Variants in RNF19B observed in about 807,000 individuals in gnomAD.
The protein encoded by RNF19B is ring finger protein 19B.
RNF19B carries 23 observed loss-of-function variants against 65.5 expected under a neutral mutation model. The observed-to-expected ratio is 0.35, with a 90% CI of 0.25 to 0.50. RNF19B has a LOEUF of 0.50. Ranked by LOEUF, RNF19B falls within the 20% of genes least tolerant of loss-of-function variation. RNF19B has a pLI of 0.98. For synonymous variants in RNF19B, 372 were observed against 379.6 expected, an observed-to-expected ratio of 0.98 and a Z score of 0.23; for missense variants, 794 against 980.0, an observed-to-expected ratio of 0.81 and a Z score of 2.53.
intron 1 of RNF19B, among the ~76,000 whole-genome samples, chr1:32,959,700 T>C (rs934359640): frequency 2.0e-5 from 3 of 152,128 alleles, no homozygotes; most frequent in African/African-American, 7.2e-5. Flanking sequence ...ATTTGACAGC[T>C]TGTTTTAAGA....
At chr1:32,932,729 A>T (rs1253086847), downstream of RNF19B, among the ~76,000 whole-genome samples, 1 of 152,120 alleles carries the variant, frequency 6.6e-6, no homozygotes, top group African/African-American at 2.4e-5. Flanking sequence ...AAGAAATCTA[A>T]AATTTCCTTG....
chr1:32,940,961 T>C (rs1642216786), intron 7 of RNF19B, among the ~76,000 whole-genome samples: 1 of 152,240 alleles, frequency 6.6e-6, no homozygotes, highest in Non-Finnish European at 1.5e-5. Context: ...CAATGGTTCA[T>C]GCCTATAATC....
the RNF19B span, among the ~76,000 whole-genome samples, chr1:32,931,111 G>C: frequency 6.6e-6 from 1 of 151,858 alleles, no homozygotes; most frequent in Non-Finnish European, 1.5e-5. Context: ...ATTCTTAGCT[G>C]CTAAAGCCAA....
downstream of RNF19B, among the ~76,000 whole-genome samples, chr1:32,934,974 GGTGT>G: frequency 7.1e-6 from 1 of 140,804 alleles, no homozygotes; most frequent in East Asian, 2.2e-4. Context: ...CTGGACTACA[GGTGT>G]GCGCCACCAC....
At chr1:32,935,046 G>C (rs564385922), downstream of RNF19B, among the ~76,000 whole-genome samples, 7 of 151,910 alleles carry the variant, frequency 4.6e-5, no homozygotes, top group African/African-American at 1.5e-4. Flanking sequence ...TGGCCAGGAT[G>C]GTCTTGATCT....
chr1:32,929,740 C>T, the RNF19B span, among the ~76,000 whole-genome samples: 18 of 152,196 alleles, frequency 1.2e-4, no homozygotes, highest in African/African-American at 4.3e-4. Context: ...TCAAAACAGG[C>T]CTCTATTTGC....
chr1:32,933,888 T>C (rs138886263), downstream of RNF19B, among the ~76,000 whole-genome samples: 30 of 152,242 alleles, frequency 2.0e-4, no homozygotes, highest in African/African-American at 6.7e-4. Flanking sequence ...CTCACAGCTG[T>C]AGTAAGTGGA....
intron 1 of RNF19B, among the ~76,000 whole-genome samples, chr1:32,955,813 G>T (rs1329757456): frequency 6.6e-6 from 1 of 151,592 alleles, no homozygotes; most frequent in African/African-American, 2.4e-5. Context: ...TGTCCACTTT[G>T]TTCCTTCTCT....
Position 32,964,028 on chromosome 1 carries a change from C to A in RNF19B, c.635+23G>T. 1 of 1,417,662 alleles carries A rather than the reference C, an allele frequency of 7.1e-7. No homozygotes were observed. The highest frequency in any genetic ancestry group is 9.2e-7 in the Non-Finnish European group (1 of 1,091,544). The allele number at this position is 1,417,662 out of a possible 1,614,324, so 87.8% of individuals were successfully genotyped here. A position where few individuals can be genotyped will look rare whatever the true frequency, so the allele number is the denominator to read the frequency against. On this transcript the variant is annotated intron_variant, in intron 1 of 8. Transcript: ENST00000235150. The surrounding 1 kb of genome is among the most constrained non-coding windows in gnomAD (Gnocchi z 6.5). Reference sequence around the variant, plus strand: ...CCCCTCGGCTGCAGCCCGCCGCCACCCGCGCCACGCCCCCGCGCTCACCCG... The same window carrying A: ...CCCCTCGGCTGCAGCCCGCCGCCACACGCGCCACGCCCCCGCGCTCACCCG...
chr1:32,940,231 G>A (rs146413113), intron 7 of RNF19B, among the ~76,000 whole-genome samples: 1 of 152,216 alleles, frequency 6.6e-6, no homozygotes, highest in South Asian at 2.1e-4. Flanking sequence ...TCAGATGCTG[G>A]TTCATGCAAC....
chr1:32,936,842 A>G lies in RNF19B; in HGVS notation c.2160T>C (p.Thr720=), dbSNP rs775263133. ...CTTCTCCACCTTCTGGCTTCAAGACAGTTTGTCCCTCGGCTAGGGCAGAGA... is the reference window on the plus strand; with the variant it reads ...CTTCTCCACCTTCTGGCTTCAAGACGGTTTGTCCCTCGGCTAGGGCAGAGA... ...MNLSALAEGQ[T]VLKPEGGEAR... is the part of the protein sequence containing the mutation. Residue 720 remains threonine, a synonymous_variant, in exon 9 of 9, where the codon ACT becomes ACC. Coordinates refer to ENST00000235150, the MANE Select transcript of RNF19B (RefSeq NM_001300826.2). The G allele has an allele frequency of 2.5e-6, 4 of 1,589,174 alleles. No homozygotes were observed. Among genetic ancestry groups the G allele is most frequent in the South Asian group, 1.1e-5 (1 of 87,826 alleles).
rs913884521 is a variant in RNF19B at position 32,936,712 on chromosome 1, T to C, written c.*94A>G. 2 of 1,167,550 alleles carry C rather than the reference T, an allele frequency of 1.7e-6. No individual in the cohort carries two copies. The highest frequency in any genetic ancestry group is 1.1e-6 in the Non-Finnish European group (1 of 880,012). 72.3% of individuals were successfully genotyped at this position (1,167,550 alleles called of 1,614,324 possible). A position where few individuals can be genotyped will look rare whatever the true frequency, so the allele number is the denominator to read the frequency against. On this transcript the variant is annotated 3_prime_UTR_variant, in exon 9 of 9. Transcript: ENST00000235150. ...TGACCAGAGAATCTGTGAAATAAAA[T>C]ACATAAATCTCTACCCCTTGGAAAA...
intron 1 of RNF19B, among the ~76,000 whole-genome samples, chr1:32,956,991 A>G (rs1642654192): frequency 6.6e-6 from 1 of 152,124 alleles, no homozygotes; most frequent in Admixed American, 6.6e-5. Context: ...AGACAACTCC[A>G]AGAGCCTCCT....
At chr1:32,938,198 TA>T (rs1458444329) in intron 8 of RNF19B, 198 bp downstream of exon 8, 1 of 338,564 alleles carries the variant, frequency 3.0e-6, no homozygotes, top group Non-Finnish European at 5.3e-6. Flanking sequence ...AAGAAATCTC[TA>T]AAAATCAAGC....
intron 5 of RNF19B, among the ~76,000 whole-genome samples, chr1:32,944,906 T>G (rs1486276391): frequency 6.6e-6 from 1 of 152,078 alleles, no homozygotes; most frequent in African/African-American, 2.4e-5. Flanking sequence ...GCCAGGATGG[T>G]CTCGATCTCC....
At chr1:32,937,430 G>T in intron 8 of RNF19B, 171 bp from the exon 9 acceptor site, 1 of 1,050,500 alleles carries the variant, frequency 9.5e-7, no homozygotes, top group South Asian at 1.5e-5. Context: ...ATGAGATGGA[G>T]GCTGGACGTG....
Position 32,936,533 on chromosome 1 carries a change from CTT to C in RNF19B, c.*271_*272del, listed in dbSNP as rs1642101567. On this transcript the variant is annotated 3_prime_UTR_variant, in exon 9 of 9. Transcript: ENST00000235150. The stretch of plus-strand genomic sequence containing the variant: ...ATATACACACATACATATGTACACT[CTT>C]TGACACACCTCATGGATTGCTGCCA... 4 of 370,278 alleles carry C rather than the reference CTT, an allele frequency of 1.1e-5. No individual in the cohort carries two copies. The Admixed American group carries it at 1.7e-4, about 16-fold the overall frequency. 22.9% of individuals were successfully genotyped at this position (370,278 alleles called of 1,614,324 possible). A position where few individuals can be genotyped will look rare whatever the true frequency, so the allele number is the denominator to read the frequency against.
chr1:32,964,775 G>T lies in RNF19B; in HGVS notation c.-90C>A. 8.4e-7 allele frequency: 1 copy of T among 1,195,934 alleles called. No individual in the cohort carries two copies. Among genetic ancestry groups the T allele is most frequent in the Non-Finnish European group, 1.1e-6 (1 of 938,814 alleles). 74.1% of individuals were successfully genotyped at this position (1,195,934 alleles called of 1,614,324 possible). A position where few individuals can be genotyped will look rare whatever the true frequency, so the allele number is the denominator to read the frequency against. On this transcript the variant is annotated 5_prime_UTR_variant, in exon 1 of 9. Coordinates refer to ENST00000235150, the MANE Select transcript of RNF19B (RefSeq NM_001300826.2). The surrounding 1 kb of genome is among the most constrained non-coding windows in gnomAD (Gnocchi z 6.5). ...CAGCCAGCGCCCGGCCGCCGCCGAC[G>T]CCGCCACCACCGCCTCAACCGCCCT...
At chr1:32,959,013 A>G (rs1158948000) in intron 1 of RNF19B, among the ~76,000 whole-genome samples, 1 of 152,136 alleles carries the variant, frequency 6.6e-6, no homozygotes, top group Non-Finnish European at 1.5e-5. Context: ...TCAAGAGAAG[A>G]GGTTCAGGGA....
Sources: allele counts gnomAD v4.1 joint callset (sites outside exome capture counted in the v4.1 genomes callset), GRCh38; gene constraint gnomAD v4.1.1; non-coding constraint Gnocchi (gnomAD v3.1); transcripts MANE v1.5; gene names NCBI Gene and HGNC (gene_info 2026-07-23, HGNC 2026-07-21).